Variants in TIMP1 observed in about 807,000 individuals in gnomAD.
TIMP1 encodes TIMP metallopeptidase inhibitor 1.
In TIMP1, 5 loss-of-function variants were observed where a neutral mutation model predicts 13.7. The ratio of observed to expected loss-of-function variants is 0.36; its 90% CI spans 0.19 to 0.76. TIMP1 has a LOEUF of 0.76. Among genes scored for constraint, TIMP1 ranks in the 30% least tolerant of loss-of-function variants. TIMP1 has a pLI of 0.51. For missense variants in TIMP1, 131 were observed against 168.4 expected (o/e 0.78, Z 1.23); for synonymous variants, 63 against 67.1 (o/e 0.94, Z 0.30).
chrX:47,583,972 G>C (rs918263385), intron 2 of TIMP1, among the ~76,000 whole-genome samples: 1 of 112,032 alleles, frequency 8.9e-6, no homozygotes, highest in Admixed American at 9.4e-5. Context: ...TCTTGCAGTC[G>C]GTGGGAGAGA....
chrX:47,583,119 C>G (rs1227014598), intron 1 of TIMP1, among the ~76,000 whole-genome samples: 1 of 97,706 alleles, frequency 1.0e-5, no homozygotes, highest in African/African-American at 3.8e-5. Context: ...TCCCCAATCC[C>G]CTCATTCCTC....
chrX:47,584,855 T>TATGATGATG, intron 2 of TIMP1, 81 bp from the exon 3 acceptor site: 1 of 853,102 alleles, frequency 1.2e-6, no homozygotes, highest in Admixed American at 2.5e-5. Context: ...GCTTTGCTGG[T>TATGATGATG]ATGATGATGA....
chrX:47,586,132 C>T, intron 5 of TIMP1: 1 of 940,891 alleles, frequency 1.1e-6, no homozygotes, highest in East Asian at 6.2e-5. Context: ...TCCCTGATGG[C>T]TCCTGATGGC....
chrX:47,586,770 TAAAG>T lies in TIMP1; in HGVS notation c.*81_*84del, dbSNP rs1300719686. On this transcript the variant is annotated 3_prime_UTR_variant, in exon 6 of 6. Coordinates refer to ENST00000218388, the MANE Select transcript of TIMP1 (RefSeq NM_003254.3). The stretch of plus-strand genomic sequence containing the variant: ...CCCATCTTTCTTCCGGACAATGAAA[TAAAG>T]AGTTACCACCCAGCAGACACTGTTT... The T allele has an allele frequency of 3.6e-6, 4 of 1,103,484 alleles. No homozygotes were observed. The highest frequency in any genetic ancestry group is 4.8e-5 in the Admixed American group (2 of 41,363). 90.9% of individuals were successfully genotyped at this position (1,103,484 alleles called of 1,213,427 possible).
chrX:47,582,601 C>T (rs776619439), intron 1 of TIMP1, 127 bp downstream of exon 1: 2 of 366,225 alleles, frequency 5.5e-6, no homozygotes. Context: ...GTACCAGGAC[C>T]CTGGGCTAGT....
At position 47,585,679 on chromosome X, in the gene TIMP1, G is replaced by A. The variant is rs2057821969; in HGVS notation, c.453+12G>A. On this transcript the variant is annotated intron_variant, in intron 5 of 5. Transcript: ENST00000218388. Reference sequence around the variant, plus strand: ...GTGAGGAATGCACAGTGAGTGCCTGGACCCTGACCTCCAACGGGAGATCCT... The same window carrying A: ...GTGAGGAATGCACAGTGAGTGCCTGAACCCTGACCTCCAACGGGAGATCCT... The A allele has an allele frequency of 2.5e-6, 3 of 1,208,895 alleles. No individual in the cohort carries two copies. Among genetic ancestry groups the A allele is most frequent in the Non-Finnish European group, 3.4e-6 (3 of 894,313 alleles).
rs760037592 is a variant in TIMP1, at chrX:47,585,517, G to A, written c.329-26G>A. ...CTCAGCCAATCACAAGCTGCTTGTCGGTCCCCGCCCCGCCTTTCTCCTTAG... is the reference window on the plus strand; with the variant it reads ...CTCAGCCAATCACAAGCTGCTTGTCAGTCCCCGCCCCGCCTTTCTCCTTAG... On this transcript the variant is annotated intron_variant, in intron 4 of 5. Transcript: ENST00000218388. 5.9e-6 allele frequency: 7 copies of A among 1,195,940 alleles called. No individual in the cohort carries two copies. In the South Asian group the frequency reaches 7.3e-5, roughly 12 times the overall value.
In TIMP1 at chrX:47,586,420, G is replaced by A. The variant is rs1385246259; in HGVS notation, c.454-101G>A. 9 of 1,125,207 alleles carry A rather than the reference G, an allele frequency of 8.0e-6. No homozygotes were observed. In the East Asian group the frequency reaches 2.1e-4, roughly 26 times the overall value. 92.7% of individuals were successfully genotyped at this position (1,125,207 alleles called of 1,213,427 possible). ...ATGTACTTAGGTGGGGTGAGAGCAA[G>A]TCTCCCCAGCGGCTCAGTGTTGAAA... On this transcript the variant is annotated intron_variant, in intron 5 of 5. Coordinates refer to ENST00000218388, the MANE Select transcript of TIMP1 (RefSeq NM_003254.3).
chrX:47,585,708 C>T (rs765335101), intron 5 of TIMP1, 41 bp downstream of exon 5: 12 of 1,203,547 alleles, frequency 1.0e-5, no homozygotes, highest in Non-Finnish European at 1.3e-5. Flanking sequence ...AGATCCTTCC[C>T]GGGGCCATTC....
chrX:47,584,788 A>G, intron 2 of TIMP1, 148 bp from the exon 3 acceptor site: 1 of 485,121 alleles, frequency 2.1e-6, no homozygotes. Flanking sequence ...TCAATGAACA[A>G]ATGTGTAAAT....
At position 47,585,198 on chromosome X, in the gene TIMP1, T is replaced by C. The variant is rs768079946; in HGVS notation, c.202-7T>C. On this transcript the variant is annotated splice_polypyrimidine_tract_variant and splice_region_variant and intron_variant, in intron 3 of 5. Coordinates refer to ENST00000218388, the MANE Select transcript of TIMP1 (RefSeq NM_003254.3). ...TAAAAGAGACACTTCCCCTCATCCA[T>C]CAACAGATGTATAAAGGGTTCCAAG... 5 of 1,176,526 alleles carry C rather than the reference T, an allele frequency of 4.2e-6. No homozygotes were observed. The African/African-American group carries it at 5.3e-5, about 13-fold the overall frequency.
chrX:47,583,846 T>A (rs1020313031), intron 2 of TIMP1, among the ~76,000 whole-genome samples: 28 of 111,659 alleles, frequency 2.5e-4, no homozygotes, highest in African/African-American at 9.1e-4. Flanking sequence ...CCCCTGCCCC[T>A]TAGTACTCCT....
At chrX:47,582,878 A>G (rs1166791608) in intron 1 of TIMP1, among the ~76,000 whole-genome samples, 1 of 91,134 alleles carries the variant, frequency 1.1e-5, no homozygotes, top group Non-Finnish European at 2.2e-5. Context: ...TTGCCCTCAA[A>G]TTCCTCAAGT....
In TIMP1 at chrX:47,583,497, C is replaced by G. The variant is rs372229890; in HGVS notation, c.82C>G (p.Pro28Ala). ...IAPSRACTCV[P>A]PHPQTAFCNS... The stretch of plus-strand genomic sequence containing the variant: ...CCCCAGCAGGGCCTGCACCTGTGTC[C>G]CACCCCACCCACAGACGGCCTTCTG... The change falls in exon 2 of 6, where the codon CCA (proline) becomes GCA (alanine). Residue 28 changes from proline to alanine, a missense_variant. Coordinates refer to ENST00000218388, the MANE Select transcript of TIMP1 (RefSeq NM_003254.3). 8.3e-7 allele frequency: 1 copy of G among 1,202,462 alleles called. No individual in the cohort carries two copies. Among genetic ancestry groups the G allele is most frequent in the African/African-American group, 1.8e-5 (1 of 56,922 alleles).
chrX:47,585,386 C>T (rs1461666160), intron 4 of TIMP1, 55 bp downstream of exon 4: 3 of 1,203,893 alleles, frequency 2.5e-6, no homozygotes, highest in Non-Finnish European at 3.4e-6. Context: ...GGGGCGCGGC[C>T]TAGCAACCAC....
intron 2 of TIMP1, among the ~76,000 whole-genome samples, chrX:47,584,723 A>G (rs925497294): frequency 7.1e-5 from 8 of 112,150 alleles, no homozygotes; most frequent in Admixed American, 1.9e-4. Context: ...AAATCAATGT[A>G]TGAAAATGGC....
rs199939406 is a variant in TIMP1, at chrX:47,585,621, G to A, written c.407G>A (p.Arg136His). Residue 136 changes from arginine to histidine, a missense_variant, in exon 5 of 6, where the codon CGC (arginine) becomes CAC (histidine). Transcript: ENST00000218388. ...APWNSLSLAQ[R>H]RGFTKTYTVG... Reference sequence around the variant, plus strand: ...TGGAACAGCCTGAGCTTAGCTCAGCGCCGGGGCTTCACCAAGACCTACACT... The same window carrying A: ...TGGAACAGCCTGAGCTTAGCTCAGCACCGGGGCTTCACCAAGACCTACACT... The A allele has an allele frequency of 6.0e-5, 71 of 1,174,499 alleles. No individual in the cohort carries two copies. In the East Asian group the frequency reaches 1.9e-3, roughly 31 times the overall value.
At chrX:47,585,878 C>T (rs1365012528) in intron 5 of TIMP1, 7 of 1,135,301 alleles carry the variant, frequency 6.2e-6, no homozygotes, top group African/African-American at 5.4e-5. Flanking sequence ...TGTCCAATAC[C>T]GTGTGATCAC....
chrX:47,586,234 C>T (rs2057825678), intron 5 of TIMP1: 1 of 749,959 alleles, frequency 1.3e-6, no homozygotes, highest in African/African-American at 2.5e-5. Context: ...TTACTACTGC[C>T]AGTTTTTCCC....
Sources: gnomAD v4.1 joint callset for allele counts (sites outside exome capture counted in the v4.1 genomes callset) on GRCh38, gnomAD v4.1.1 for gene constraint, MANE v1.5 for transcripts, NCBI Gene and HGNC (gene_info 2026-07-23, HGNC 2026-07-21) for gene names.